Variants in DYNC1H1 observed in about 807,000 individuals in gnomAD.
DYNC1H1 encodes cytoplasmic dynein 1 heavy chain 1.
DYNC1H1 carries 51 observed loss-of-function variants against 527.1 expected under a neutral mutation model. The observed-to-expected ratio is 0.10, with a 90% CI of 0.08 to 0.12. The LOEUF is 0.12. Among genes scored for constraint, DYNC1H1 ranks in the 10% least tolerant of loss-of-function variants. The probability of loss-of-function intolerance (pLI) is 1.00; values close to 1 mark genes in which losing one functional copy is unlikely to be tolerated. For missense variants in DYNC1H1, 2,771 were observed against 5,971.8 expected, an observed-to-expected ratio of 0.46 and a Z score of 17.66; for synonymous variants, 2,189 against 2,278.8, an observed-to-expected ratio of 0.96 and a Z score of 1.12.
intron 5 of DYNC1H1, among the ~76,000 whole-genome samples, chr14:101,980,934 A>G (rs1248684351): frequency 2.6e-5 from 4 of 152,170 alleles, no homozygotes; most frequent in African/African-American, 9.7e-5. Context: ...CTATTTGCCC[A>G]GAGGGTTGTG....
At chr14:101,989,458 A>G (rs1022111873) in intron 10 of DYNC1H1, among the ~76,000 whole-genome samples, 1 of 152,196 alleles carries the variant, frequency 6.6e-6, no homozygotes, top group Non-Finnish European at 1.5e-5. Flanking sequence ...CAAGCTTTCT[A>G]AACAACTGAA....
chr14:101,989,244 C>A (rs942628421), intron 10 of DYNC1H1, among the ~76,000 whole-genome samples: 1 of 152,228 alleles, frequency 6.6e-6, no homozygotes, highest in Non-Finnish European at 1.5e-5. Context: ...AAACTTCTTA[C>A]CATTCATGCA....
chr14:101,975,825 T>C (rs1329020324), intron 2 of DYNC1H1, 26 bp downstream of exon 2: 2 of 1,518,252 alleles, frequency 1.3e-6, no homozygotes, highest in Non-Finnish European at 1.8e-6. Context: ...ATTACCATTA[T>C]CTCAGGTTAT....
Position 102,018,012 on chromosome 14 carries a change from A to T in DYNC1H1, c.8178-439A>T. On this transcript the variant is annotated intron_variant, in intron 40 of 77. Transcript: ENST00000360184. This position sits in a 1 kb window ranked among gnomAD's most constrained non-coding sequence, Gnocchi z 5.2. The stretch of plus-strand genomic sequence containing the variant: ...TCCCAGCTACTTGGGAGGCTGAGGC[A>T]GCAGAATGGTGTGAACCTGGGAGGT... 3.8e-6 allele frequency: 1 copy of T among 263,762 alleles called. No homozygotes were observed. The highest frequency in any genetic ancestry group is 7.3e-6 in the Non-Finnish European group (1 of 136,108). 16.3% of individuals were successfully genotyped at this position (263,762 alleles called of 1,614,324 possible).
Position 102,049,670 on chromosome 14 carries a change from G to C in DYNC1H1, c.13516-44G>C, listed in dbSNP as rs753225739. ...CTCTGGGGAAAAACACAGGGCCCAGGTCTGACCTGAGCTCCTTCCCCTGGG... is the reference window on the plus strand; with the variant it reads ...CTCTGGGGAAAAACACAGGGCCCAGCTCTGACCTGAGCTCCTTCCCCTGGG... On this transcript the variant is annotated intron_variant, in intron 75 of 77. Transcript: ENST00000360184. This position sits in a 1 kb window ranked among gnomAD's most constrained non-coding sequence, Gnocchi z 5.5. 6.2e-7 allele frequency: 1 copy of C among 1,613,690 alleles called. No homozygotes were observed. Among genetic ancestry groups the C allele is most frequent in the East Asian group, 2.2e-5 (1 of 44,884 alleles).
chr14:102,039,329 C>T lies in DYNC1H1; in HGVS notation c.11460+75C>T. 6.2e-7 allele frequency: 1 copy of T among 1,612,354 alleles called. No homozygotes were observed. The highest frequency in any genetic ancestry group is 1.7e-5 in the Admixed American group (1 of 60,012). On this transcript the variant is annotated intron_variant, in intron 60 of 77. Transcript: ENST00000360184. This position sits in a 1 kb window ranked among gnomAD's most constrained non-coding sequence, Gnocchi z 7.0. ...TTGGCCGCACAGAGGCTGGCGGGCC[C>T]TGCACAGTAGCTCCTTGGCCACGCA...
At chr14:101,987,999 G>A (rs1367421850) in intron 9 of DYNC1H1, among the ~76,000 whole-genome samples, 1 of 152,078 alleles carries the variant, frequency 6.6e-6, no homozygotes, top group Non-Finnish European at 1.5e-5. Context: ...GATCACTTGA[G>A]CCCAGGAGGC....
chr14:102,023,464 T>G (rs796978394), intron 43 of DYNC1H1: 5 of 190,232 alleles, frequency 2.6e-5, no homozygotes, highest in African/African-American at 1.2e-4. Context: ...CAGGAGAATC[T>G]TTGGAACCCG....
intron 56 of DYNC1H1, 90 bp downstream of exon 56, chr14:102,034,542 G>C: frequency 6.2e-7 from 1 of 1,601,634 alleles, no homozygotes; most frequent in South Asian, 1.1e-5. Context: ...TTGAAGAGAG[G>C]AATAGAAAAT....
Position 101,997,319 on chromosome 14 carries a change from G to A in DYNC1H1, c.3804+45G>A, listed in dbSNP as rs767916999. The A allele has an allele frequency of 1.9e-6, 3 of 1,613,258 alleles. No homozygotes were observed. The highest frequency in any genetic ancestry group is 2.5e-6 in the Non-Finnish European group (3 of 1,179,824). On this transcript the variant is annotated intron_variant, in intron 16 of 77. Coordinates refer to ENST00000360184, the MANE Select transcript of DYNC1H1 (RefSeq NM_001376.5). The surrounding 1 kb of genome is among the most constrained non-coding windows in gnomAD (Gnocchi z 4.8). Reference sequence around the variant, plus strand: ...GACGCAGGAGACTCCTCACCCAGCAGTGTGATTTGGTGACTTTCTTTCAAG... The same window carrying A: ...GACGCAGGAGACTCCTCACCCAGCAATGTGATTTGGTGACTTTCTTTCAAG...
intron 4 of DYNC1H1, 97 bp downstream of exon 4, chr14:101,980,071 T>C: frequency 3.8e-6 from 6 of 1,574,288 alleles, no homozygotes; most frequent in South Asian, 1.1e-5. Context: ...AATTATGTGA[T>C]AACTTGTTAG....
chr14:102,012,167 T>G lies in DYNC1H1; in HGVS notation c.6857+54T>G, dbSNP rs1056821470. On this transcript the variant is annotated intron_variant, in intron 33 of 77. Transcript: ENST00000360184. The surrounding 1 kb of genome is among the most constrained non-coding windows in gnomAD (Gnocchi z 4.9). ...TCTCCTGGATATGGGCGCTAAGTAC[T>G]TTGCTCTCACAAGAGCAGAGTATAC... 22 of 1,612,574 alleles carry G rather than the reference T, an allele frequency of 1.4e-5. No individual in the cohort carries two copies. The African/African-American group carries it at 2.8e-4, about 21-fold the overall frequency.
chr14:101,985,719 G>C lies in DYNC1H1; in HGVS notation c.1494G>C (p.Glu498Asp), dbSNP rs140744226. Residue 498 changes from glutamate (E) to aspartate (D), a missense_variant, in exon 8 of 78, where the codon GAG becomes GAC. Transcript: ENST00000360184. This position sits in a 1 kb window ranked among gnomAD's most constrained non-coding sequence, Gnocchi z 5.9. ...CAGTTGCACAACAGAATCAAGGAGAGGTCCCTGAACCCCAAGATATGAAAG... is the reference window on the plus strand; with the variant it reads ...CAGTTGCACAACAGAATCAAGGAGACGTCCCTGAACCCCAAGATATGAAAG... ...VTAVAQQNQG[E>D]VPEPQDMKVA... The C allele has an allele frequency of 1.2e-6, 2 of 1,614,208 alleles. No homozygotes were observed. The highest frequency in any genetic ancestry group is 4.5e-5 in the East Asian group (2 of 44,886).
chr14:101,998,952 G>C (rs908944987), intron 16 of DYNC1H1, among the ~76,000 whole-genome samples: 1 of 135,106 alleles, frequency 7.4e-6, no homozygotes, highest in African/African-American at 2.9e-5. Flanking sequence ...CGCAATCTCC[G>C]CTCACTGCAA....
chr14:101,990,412 C>T (rs551010264), intron 10 of DYNC1H1, among the ~76,000 whole-genome samples: 1 of 152,272 alleles, frequency 6.6e-6, no homozygotes, highest in East Asian at 1.9e-4. Flanking sequence ...ACCAGGGACC[C>T]AGGAGAAGGT....
intron 7 of DYNC1H1, among the ~76,000 whole-genome samples, chr14:101,984,720 C>G (rs1436137540): frequency 6.6e-6 from 1 of 150,758 alleles, no homozygotes; most frequent in Non-Finnish European, 1.5e-5. Context: ...ATCACGAGGT[C>G]AGAAGATTGA....
chr14:102,032,918 C>A (rs2048526703), intron 52 of DYNC1H1, 147 bp from the exon 53 acceptor site: 1 of 709,850 alleles, frequency 1.4e-6, no homozygotes, highest in Non-Finnish European at 2.4e-6. Context: ...CACCTGAGAA[C>A]CAAGGGTCAG....
Position 102,002,591 on chromosome 14 carries a change from C to T in DYNC1H1, c.4597C>T (p.Leu1533Phe). The change falls in exon 22 of 78, where the codon CTC (leucine) becomes TTC (phenylalanine). Residue 1533 changes from leucine to phenylalanine, a missense_variant. Physicochemically the swap from Leu to Phe is conservative, Grantham distance 22. This residue lies in a region of DYNC1H1 where 51 missense variants were observed against 189.2 expected (regional missense o/e 0.27). Transcript: ENST00000360184. This position sits in a 1 kb window ranked among gnomAD's most constrained non-coding sequence, Gnocchi z 4.4. ...AGATAAGCTGAACAGGATCATGGCT[C>T]TCTTTGATGTGTGGATTGATGTGCA... ...WEDKLNRIMALFDVWIDVQRR... is the reference protein window; with the variant it reads ...WEDKLNRIMAFFDVWIDVQRR... The T allele has an allele frequency of 6.2e-7, 1 of 1,614,192 alleles. No homozygotes were observed. Among genetic ancestry groups the T allele is most frequent in the Non-Finnish European group, 8.5e-7 (1 of 1,180,036 alleles).
intron 43 of DYNC1H1, 137 bp downstream of exon 43, chr14:102,023,017 C>T (rs2048404367): frequency 1.5e-6 from 2 of 1,363,686 alleles, no homozygotes; most frequent in African/African-American, 2.9e-5. Flanking sequence ...AATCCCAGCA[C>T]TTTGGGAGGC....
Sources: allele counts gnomAD v4.1 joint callset (sites outside exome capture counted in the v4.1 genomes callset), GRCh38; gene constraint gnomAD v4.1.1; regional missense constraint gnomAD v4.1.1; non-coding constraint Gnocchi (gnomAD v3.1); transcripts MANE v1.5; gene names NCBI Gene and HGNC (gene_info 2026-07-23, HGNC 2026-07-21).